Variants in PLPPR1 observed in about 807,000 individuals in gnomAD.
PLPPR1 encodes the protein phospholipid phosphatase-related protein type 1.
In PLPPR1, 10 loss-of-function variants were observed where a neutral mutation model predicts 33.1. The ratio of observed to expected loss-of-function variants is 0.30; its 90% CI spans 0.19 to 0.51. The LOEUF (loss-of-function observed/expected upper bound fraction) is 0.51, where lower values mean the gene tolerates loss of function less well. Ranked by LOEUF, PLPPR1 falls within the 20% of genes least tolerant of loss-of-function variation. The pLI is 0.97. For synonymous variants in PLPPR1, 151 were observed against 151.0 expected (o/e 1.00, Z 0.00); for missense variants, 304 against 408.1 (o/e 0.74, Z 2.20).
intron 1 of PLPPR1, among the ~76,000 whole-genome samples, chr9:101,040,933 C>T (rs10989361): frequency 0.032 from 4,862 of 152,112 alleles, 139 homozygotes; most frequent in East Asian, 0.081. Flanking sequence ...AAAAAAATAT[C>T]GTCTTGAGAA....
intron 2 of PLPPR1, among the ~76,000 whole-genome samples, chr9:101,250,704 A>G (rs957715862): frequency 3.3e-5 from 5 of 152,044 alleles, no homozygotes; most frequent in Non-Finnish European, 7.4e-5. Flanking sequence ...TAGTTGTTAA[A>G]AAACGAAAGA....
intron 1 of PLPPR1, among the ~76,000 whole-genome samples, chr9:101,098,169 G>A (rs1190750014): frequency 6.6e-6 from 1 of 152,162 alleles, no homozygotes; most frequent in African/African-American, 2.4e-5. Context: ...GAAATCTACT[G>A]CCAACATCTG....
chr9:101,068,207 A>G lies in PLPPR1; in HGVS notation c.-46+39105A>G, dbSNP rs1453510496. ...CTGAATTAATTATACTAATGACATT[A>G]CTGAATCCAACCAGTCTTTATAAAT... On this transcript the variant is annotated intron_variant, in intron 1 of 7. Coordinates refer to ENST00000374874, the MANE Select transcript of PLPPR1 (RefSeq NM_207299.2). 1.1e-4 allele frequency among the ~76,000 whole-genome samples: 16 copies of G among 152,272 alleles called. No homozygotes were observed. In the East Asian group the frequency reaches 2.3e-3, roughly 22 times the overall value.
At chr9:101,237,828 T>TAG in intron 2 of PLPPR1, among the ~76,000 whole-genome samples, 1 of 100,434 alleles carries the variant, frequency 1.0e-5, no homozygotes, top group Non-Finnish European at 1.9e-5. Flanking sequence ...TATATATATA[T>TAG]ATATATATGC....
chr9:101,246,975 A>AATGCTTCTG (rs112102106), intron 2 of PLPPR1, among the ~76,000 whole-genome samples: 21 of 152,034 alleles, frequency 1.4e-4, no homozygotes, highest in African/African-American at 5.1e-4. Context: ...TGAACTCTCA[A>AATGCTTCTG]ATGCTTCTGC....
At chr9:101,031,282 C>T (rs1479756491) in intron 1 of PLPPR1, among the ~76,000 whole-genome samples, 1 of 152,150 alleles carries the variant, frequency 6.6e-6, no homozygotes, top group Non-Finnish European at 1.5e-5. Flanking sequence ...CCTTCATCTG[C>T]AAGATCAGTT....
chr9:101,244,029 C>A (rs535804203), intron 2 of PLPPR1, among the ~76,000 whole-genome samples: 5 of 151,418 alleles, frequency 3.3e-5, no homozygotes, highest in African/African-American at 4.9e-5. Context: ...AGGAAAATAA[C>A]CCCAAAAAAA....
At chr9:101,244,597 C>T (rs958065435) in intron 2 of PLPPR1, among the ~76,000 whole-genome samples, 2 of 151,814 alleles carry the variant, frequency 1.3e-5, no homozygotes, top group African/African-American at 4.8e-5. Flanking sequence ...TTCAGTCTCT[C>T]ATTTCAGATA....
chr9:101,237,718 ATG>A (rs1285139022), intron 2 of PLPPR1, among the ~76,000 whole-genome samples: 3 of 139,862 alleles, frequency 2.1e-5, no homozygotes, highest in Non-Finnish European at 4.6e-5. Flanking sequence ...ATATCTATAT[ATG>A]TGTGTGTATA....
At chr9:101,111,307 A>T (rs1429443670) in intron 1 of PLPPR1, among the ~76,000 whole-genome samples, 1 of 152,168 alleles carries the variant, frequency 6.6e-6, no homozygotes, top group Non-Finnish European at 1.5e-5. Context: ...GCTAAGGGTA[A>T]ATCAATCTTC....
At position 101,254,694 on chromosome 9, in the gene PLPPR1, A is replaced by G. The variant is rs113517084; in HGVS notation, c.64-15186A>G. On this transcript the variant is annotated intron_variant, in intron 2 of 7. Coordinates refer to ENST00000374874, the MANE Select transcript of PLPPR1 (RefSeq NM_207299.2). ...TGTGTGTAAAGAACTGAGGCTTAGA[A>G]AAGTATTAGACATATAAGAGCCACT... 1.1e-4 allele frequency among the ~76,000 whole-genome samples: 16 copies of G among 151,644 alleles called. 1 individual carries two copies. The highest frequency in any genetic ancestry group is 3.8e-4 in the African/African-American group (16 of 41,568).
intron 3 of PLPPR1, 52 bp downstream of exon 3, chr9:101,270,120 TTC>T (rs149155028): frequency 0.03 from 46,857 of 1,575,858 alleles, 863 homozygotes; most frequent in Middle Eastern, 0.1. Context: ...CAAGAATATT[TTC>T]TGTCTGCTTT....
At chr9:101,195,041 A>ATG (rs1248751501) in intron 2 of PLPPR1, among the ~76,000 whole-genome samples, 1 of 152,216 alleles carries the variant, frequency 6.6e-6, no homozygotes, top group Admixed American at 6.5e-5. Context: ...TGCCAGTCCC[A>ATG]TGTGTGTTGG....
At chr9:101,041,827 G>A (rs1830081779) in intron 1 of PLPPR1, among the ~76,000 whole-genome samples, 3 of 152,128 alleles carry the variant, frequency 2.0e-5, no homozygotes, top group African/African-American at 7.2e-5. Context: ...ATGTTTTATG[G>A]TTCTCTTGCT....
At chr9:101,233,544 G>T (rs965345975) in intron 2 of PLPPR1, among the ~76,000 whole-genome samples, 1 of 151,916 alleles carries the variant, frequency 6.6e-6, no homozygotes. Flanking sequence ...GTATTAAGAC[G>T]TAGGACTTTT....
At chr9:101,066,333 A>G (rs1007154765) in intron 1 of PLPPR1, among the ~76,000 whole-genome samples, 3 of 152,040 alleles carry the variant, frequency 2.0e-5, no homozygotes, top group African/African-American at 7.2e-5. Context: ...CCTGGCTGAG[A>G]TAGTATGTGT....
chr9:101,152,830 C>T (rs965685813), intron 1 of PLPPR1, among the ~76,000 whole-genome samples: 84 of 152,242 alleles, frequency 5.5e-4, no homozygotes, highest in African/African-American at 1.8e-3. Flanking sequence ...AGTCAGGTAG[C>T]GTGTTGCCTC....
chr9:101,243,548 CTG>C (rs1157033138), intron 2 of PLPPR1, among the ~76,000 whole-genome samples: 1 of 151,902 alleles, frequency 6.6e-6, no homozygotes, highest in Non-Finnish European at 1.5e-5. Flanking sequence ...TCTTGAGTAA[CTG>C]TATAGATAGT....
At chr9:101,143,562 G>A (rs768608988) in intron 1 of PLPPR1, among the ~76,000 whole-genome samples, 29 of 149,690 alleles carry the variant, frequency 1.9e-4, no homozygotes, top group Non-Finnish European at 3.8e-4. Context: ...AATCTACAAA[G>A]AACTTAAACA....
Sources: allele counts gnomAD v4.1 joint callset (sites outside exome capture counted in the v4.1 genomes callset), GRCh38; gene constraint gnomAD v4.1.1; transcripts MANE v1.5; gene names NCBI Gene and HGNC (gene_info 2026-07-23, HGNC 2026-07-21).